Variants in C1orf198 observed in about 807,000 individuals in gnomAD.
C1orf198 encodes chromosome 1 open reading frame 198, also known as uncharacterized protein C1orf198.
Under a neutral mutation model 31.4 loss-of-function variants are expected in C1orf198, and 17 were observed. The ratio of observed to expected loss-of-function variants is 0.54; its 90% confidence interval spans 0.37 to 0.81. The LOEUF is 0.81. C1orf198 is among the 40% of genes least tolerant of loss of function. The pLI is 0.00. For synonymous variants in C1orf198, 175 were observed against 193.8 expected (o/e 0.90, Z 0.81); for missense variants, 401 against 450.3 (o/e 0.89, Z 0.99).
chr1:230,837,338 CAAGG>C lies in C1orf198; in HGVS notation c.*2510_*2513del. ...GGCAGCACCCCCAAACCCAGGGGGC[CAAGG>C]GAGGGGCTCCCAGATGAAACAGAGG... On this transcript the variant is annotated 3_prime_UTR_variant, in exon 4 of 4. Coordinates refer to ENST00000366663, the MANE Select transcript of C1orf198 (RefSeq NM_032800.3). 1 of 152,612 alleles carries C rather than the reference CAAGG, an allele frequency of 6.6e-6. No homozygotes were observed. Among genetic ancestry groups the C allele is most frequent in the African/African-American group, 2.4e-5 (1 of 41,556 alleles). The allele number at this position is 152,612 out of a possible 1,614,324, so 9.5% of individuals were successfully genotyped here.
chr1:230,842,632 G>C (rs1228739829), intron 3 of C1orf198, among the ~76,000 whole-genome samples: 1 of 151,754 alleles, frequency 6.6e-6, no homozygotes, highest in African/African-American at 2.4e-5. Context: ...CTACAAATTG[G>C]GTTCAGTGTC....
At position 230,857,254 on chromosome 1, in the gene C1orf198, T is replaced by C. The variant is rs1388107861; in HGVS notation, c.334-1536A>G. ...AGCACAGCCCAAGCACGGCCAACCC[T>C]AGATGACAGGGGCAACACAGCAGGG... is the stretch of plus-strand genomic sequence containing the variant. On this transcript the variant is annotated intron_variant, in intron 1 of 3. Transcript: ENST00000366663. The surrounding 1 kb of genome is among the most constrained non-coding windows in gnomAD (Gnocchi z 4.2). 6.6e-6 allele frequency among the ~76,000 whole-genome samples: 1 copy of C among 152,140 alleles called. No homozygotes were observed. Among genetic ancestry groups the C allele is most frequent in the South Asian group, 2.1e-4 (1 of 4,830 alleles).
intron 1 of C1orf198, 178 bp from the exon 2 acceptor site, chr1:230,855,896 C>A (rs1669858446): frequency 1.5e-6 from 2 of 1,369,554 alleles, no homozygotes; most frequent in Non-Finnish European, 1.9e-6. Context: ...TCAGATTGCT[C>A]CCTCATCTTT....
chr1:230,868,959 G>C (rs1204335603), upstream of C1orf198: 1 of 152,396 alleles, frequency 6.6e-6, no homozygotes, highest in East Asian at 1.9e-4. Flanking sequence ...GTGAGCCTAA[G>C]AAAGCCCCAG....
chr1:230,855,597 C>T (rs1669852256), intron 2 of C1orf198, 71 bp downstream of exon 2: 1 of 1,533,492 alleles, frequency 6.5e-7, no homozygotes, highest in Non-Finnish European at 8.9e-7. Context: ...CCATCAAATG[C>T]TGAAAGAAAA....
chr1:230,848,629 A>T (rs180873906), intron 2 of C1orf198, among the ~76,000 whole-genome samples: 2 of 152,314 alleles, frequency 1.3e-5, no homozygotes, highest in Non-Finnish European at 2.9e-5. Context: ...ACAGTCTCTG[A>T]TTTCACAAAA....
At chr1:230,844,076 G>A (rs116389751) in intron 2 of C1orf198, among the ~76,000 whole-genome samples, 180 bp from the exon 3 acceptor site, 2,799 of 152,186 alleles carry the variant, frequency 0.018, 46 homozygotes, top group South Asian at 0.068. Context: ...GACTCCCATC[G>A]CACACCTGAA....
At chr1:230,861,377 T>C (rs1194928578) in intron 1 of C1orf198, among the ~76,000 whole-genome samples, 2 of 152,176 alleles carry the variant, frequency 1.3e-5, no homozygotes, top group African/African-American at 4.8e-5. Context: ...CTGTAAAAAC[T>C]GAATTTTTTT....
rs1478017800 is a variant in C1orf198 at position 230,839,239 on chromosome 1, C to G, written c.*613G>C. 1.3e-5 allele frequency: 2 copies of G among 153,530 alleles called. No homozygotes were observed. Among genetic ancestry groups the G allele is most frequent in the African/African-American group, 4.8e-5 (2 of 41,474 alleles). 9.5% of individuals were successfully genotyped at this position (153,530 alleles called of 1,614,324 possible). On this transcript the variant is annotated 3_prime_UTR_variant, in exon 4 of 4. Transcript: ENST00000366663. ...ATGTATCAGAGCAGGTTAAAGACTA[C>G]ACTGCTACATACCCGCAGTCTGTTC... is the stretch of plus-strand genomic sequence containing the variant.
chr1:230,842,348 C>T (rs568113201), intron 3 of C1orf198, among the ~76,000 whole-genome samples: 4 of 152,086 alleles, frequency 2.6e-5, no homozygotes, highest in Non-Finnish European at 4.4e-5. Context: ...AGCCCAAATG[C>T]CCACCAATCA....
In C1orf198 at chr1:230,868,477, G is replaced by C. The variant is rs1265041846; in HGVS notation, c.36C>G (p.Arg12=). Residue 12 remains arginine (R), a synonymous_variant, in exon 1 of 4, where the codon CGC becomes CGG. Coordinates refer to ENST00000366663, the MANE Select transcript of C1orf198 (RefSeq NM_032800.3). The part of the protein sequence containing the change: ...ASMAAAIAAS[R]SAVMSGNRPL... ...GCCGGTTCCCGCTCATGACCGCCGA[G>C]CGCGAAGCCGCGATCGCCGCCGCCA... 1.3e-6 allele frequency: 2 copies of C among 1,504,782 alleles called. No individual in the cohort carries two copies. 93.2% of individuals were successfully genotyped at this position (1,504,782 alleles called of 1,614,324 possible).
rs2102966927 is a variant in C1orf198, at chr1:230,837,737, T to A, written c.*2115A>T. 6.6e-6 allele frequency: 1 copy of A among 152,296 alleles called. No individual in the cohort carries two copies. The highest frequency in any genetic ancestry group is 1.9e-4 in the East Asian group (1 of 5,170). 9.4% of individuals were successfully genotyped at this position (152,296 alleles called of 1,614,324 possible). The stretch of plus-strand genomic sequence containing the variant: ...TACAACTTGAGGACTCCCTCCAAGA[T>A]TTCCTAATTTTTGATTTTACATTTA... On this transcript the variant is annotated 3_prime_UTR_variant, in exon 4 of 4. Transcript: ENST00000366663.
At position 230,837,265 on chromosome 1, in the gene C1orf198, A is replaced by C. The variant is rs1669325426; in HGVS notation, c.*2587T>G. 1 of 152,678 alleles carries C rather than the reference A, an allele frequency of 6.5e-6. No individual in the cohort carries two copies. Among genetic ancestry groups the C allele is most frequent in the Non-Finnish European group, 1.5e-5 (1 of 68,042 alleles). 9.5% of individuals were successfully genotyped at this position (152,678 alleles called of 1,614,324 possible). On this transcript the variant is annotated 3_prime_UTR_variant, in exon 4 of 4. Coordinates refer to ENST00000366663, the MANE Select transcript of C1orf198 (RefSeq NM_032800.3). ...GGGAGGCTCTTCCTGAAATCCACACAGGGGGGTGCGGCTCAGACGGGTGAC... is the reference window on the plus strand; with the variant it reads ...GGGAGGCTCTTCCTGAAATCCACACCGGGGGGTGCGGCTCAGACGGGTGAC...
intron 1 of C1orf198, among the ~76,000 whole-genome samples, chr1:230,863,739 G>A (rs952417101): frequency 2.0e-5 from 3 of 152,106 alleles, no homozygotes; most frequent in Admixed American, 2.0e-4. Flanking sequence ...AGGCCCGACC[G>A]CCCTCTCCTC....
chr1:230,867,584 AGGGTGATGGAT>A (rs1454140241), intron 1 of C1orf198, among the ~76,000 whole-genome samples: 1 of 152,158 alleles, frequency 6.6e-6, no homozygotes, highest in Non-Finnish European at 1.5e-5. Flanking sequence ...AAAACATCTT[AGGGTGATGGAT>A]GGGTTTCCCT....
intron 2 of C1orf198, 152 bp downstream of exon 2, chr1:230,855,516 C>T: frequency 1.3e-6 from 1 of 775,508 alleles, no homozygotes; most frequent in Non-Finnish European, 2.0e-6. Flanking sequence ...ATGCTCCTCC[C>T]ATCCCCTCCT....
At chr1:230,853,174 G>T (rs2180478) in intron 2 of C1orf198, among the ~76,000 whole-genome samples, 2 of 152,090 alleles carry the variant, frequency 1.3e-5, no homozygotes, top group Admixed American at 1.3e-4. Flanking sequence ...GCCCTGCTCC[G>T]ATCATTGACC....
intron 2 of C1orf198, among the ~76,000 whole-genome samples, chr1:230,850,354 G>A (rs983393175): frequency 3.3e-5 from 5 of 152,380 alleles, no homozygotes; most frequent in African/African-American, 7.2e-5. Flanking sequence ...CTGCAATGCA[G>A]GGAGGGTGCT....
intron 2 of C1orf198, among the ~76,000 whole-genome samples, chr1:230,848,671 A>T (rs1275988450): frequency 6.6e-6 from 1 of 152,174 alleles, no homozygotes; most frequent in Non-Finnish European, 1.5e-5. Context: ...ATTTCAAAAT[A>T]TTGTATATCG....
Sources: gnomAD v4.1 joint callset for allele counts (sites outside exome capture counted in the v4.1 genomes callset) on GRCh38, gnomAD v4.1.1 for gene constraint, Gnocchi (gnomAD v3.1) non-coding constraint, MANE v1.5 for transcripts, NCBI Gene and HGNC (gene_info 2026-07-23, HGNC 2026-07-21) for gene names.